The following STK32B variants were observed in gnomAD, a reference collection of about 807,000 sequenced individuals.
The protein encoded by STK32B is serine/threonine kinase 32B, also known as serine/threonine-protein kinase 32B.
Under a neutral mutation model 52.6 loss-of-function variants are expected in STK32B, and 43 were observed. That is an observed-to-expected ratio of 0.82 (90% CI 0.64 to 1.05). STK32B has a LOEUF of 1.05. Among genes scored for constraint, STK32B ranks in the 50% least tolerant of loss-of-function variants. The probability of loss-of-function intolerance (pLI) is 0.00; values close to 1 mark genes in which losing one functional copy is unlikely to be tolerated. For synonymous variants in STK32B, 238 were observed against 204.3 expected (o/e 1.17, Z -1.41); for missense variants, 621 against 534.6 (o/e 1.16, Z -1.59).
intron 2 of STK32B, among the ~76,000 whole-genome samples, chr4:5,163,569 TGTGTGTGTGTGTAA>T (rs1295664123): frequency 6.7e-6 from 1 of 149,500 alleles, no homozygotes; most frequent in African/African-American, 2.5e-5. Flanking sequence ...TGTGTGTGTG[TGTGTGTGTGTGTAA>T]GAGAGAGAGA....
intron 1 of STK32B, among the ~76,000 whole-genome samples, chr4:5,054,346 G>A (rs960031018): frequency 6.6e-6 from 1 of 152,140 alleles, no homozygotes; most frequent in Non-Finnish European, 1.5e-5. Context: ...CCCTAACTCA[G>A]AGTGGGGGGA....
At chr4:5,185,703 C>T (rs909770260) in intron 3 of STK32B, among the ~76,000 whole-genome samples, 1 of 152,160 alleles carries the variant, frequency 6.6e-6, no homozygotes, top group African/African-American at 2.4e-5. Context: ...GTTTCAATGC[C>T]CAGCCAGTTA....
At chr4:5,382,524 T>C (rs1425863900) in intron 4 of STK32B, among the ~76,000 whole-genome samples, 2 of 151,828 alleles carry the variant, frequency 1.3e-5, no homozygotes, top group African/African-American at 2.4e-5. Flanking sequence ...TGCAGGGAGA[T>C]GTGAAAAGGT....
rs142282206 is a variant in STK32B at position 5,326,430 on chromosome 4, TGG to T, written c.261-4789_261-4788del. 8.0e-3 allele frequency among the ~76,000 whole-genome samples: 1,225 copies of T among 152,244 alleles called. 24 individuals carry two copies. The highest frequency in any genetic ancestry group is 0.021 in the African/African-American group (877 of 41,552). On this transcript the variant is annotated intron_variant, in intron 3 of 11. Transcript: ENST00000282908. ...CCCATGTAAATATGAAGTTCAGGGA[TGG>T]ATCTTTCTTCTGACTAGGTGGGAGC... is the stretch of plus-strand genomic sequence containing the variant.
At chr4:5,278,592 A>C (rs1727992980) in intron 3 of STK32B, among the ~76,000 whole-genome samples, 1 of 152,240 alleles carries the variant, frequency 6.6e-6, no homozygotes, top group Admixed American at 6.5e-5. Flanking sequence ...TTCACTTGCG[A>C]ATTTGAAAAC....
At chr4:5,135,041 C>T (rs1715993345) in intron 1 of STK32B, among the ~76,000 whole-genome samples, 1 of 152,164 alleles carries the variant, frequency 6.6e-6, no homozygotes, top group Admixed American at 6.5e-5. Context: ...CAGATTTACC[C>T]AGTGTGATCA....
At chr4:5,254,385 C>T (rs188092153) in intron 3 of STK32B, among the ~76,000 whole-genome samples, 3 of 151,754 alleles carry the variant, frequency 2.0e-5, no homozygotes, top group Admixed American at 2.0e-4. Context: ...GTTTTTATTT[C>T]ATTGATTCCA....
chr4:5,288,925 G>A (rs1455628220), intron 3 of STK32B, among the ~76,000 whole-genome samples: 1 of 152,134 alleles, frequency 6.6e-6, no homozygotes, highest in Non-Finnish European at 1.5e-5. Context: ...GCAAGTTTTT[G>A]TATGGTGGCA....
intron 3 of STK32B, among the ~76,000 whole-genome samples, chr4:5,238,082 G>A (rs541762941): frequency 6.6e-6 from 1 of 152,164 alleles, no homozygotes; most frequent in Non-Finnish European, 1.5e-5. Flanking sequence ...CACGTAGGAA[G>A]CATAAAAAGT....
At chr4:5,092,307 A>G (rs7677749) in intron 1 of STK32B, among the ~76,000 whole-genome samples, 66,048 of 152,048 alleles carry the variant, frequency 0.43, 14,631 homozygotes, top group African/African-American at 0.49. Flanking sequence ...CGAGGCGGGC[A>G]GATCACCTGA....
the STK32B span, among the ~76,000 whole-genome samples, chr4:5,035,100 C>T: frequency 1.3e-5 from 2 of 152,244 alleles, no homozygotes; most frequent in Admixed American, 1.3e-4. Flanking sequence ...GGCCTTGGCT[C>T]GCTATGCTTG....
intron 3 of STK32B, among the ~76,000 whole-genome samples, chr4:5,250,629 G>A (rs549868249): frequency 6.6e-6 from 1 of 152,068 alleles, no homozygotes; most frequent in African/African-American, 2.4e-5. Flanking sequence ...AGTTCTTTAA[G>A]AAATTGCCAA....
intron 1 of STK32B, among the ~76,000 whole-genome samples, chr4:5,085,129 G>T (rs776087837): frequency 6.6e-5 from 10 of 152,136 alleles, no homozygotes; most frequent in Non-Finnish European, 1.3e-4. Flanking sequence ...TGGTTTACAG[G>T]ACAGCCTGGA....
At chr4:5,360,583 G>A (rs1351907986) in intron 4 of STK32B, among the ~76,000 whole-genome samples, 1 of 152,140 alleles carries the variant, frequency 6.6e-6, no homozygotes, top group Non-Finnish European at 1.5e-5. Context: ...GAGGTACACA[G>A]CATGTTTTAT....
intron 3 of STK32B, among the ~76,000 whole-genome samples, chr4:5,313,285 T>G (rs1730436457): frequency 6.6e-6 from 1 of 152,024 alleles, no homozygotes; most frequent in Admixed American, 6.6e-5. Context: ...GAAAAAATCC[T>G]ATTATTATAT....
intron 5 of STK32B, among the ~76,000 whole-genome samples, chr4:5,404,639 CTT>C (rs1233537189): frequency 6.6e-6 from 1 of 151,998 alleles, no homozygotes; most frequent in Non-Finnish European, 1.5e-5. Context: ...ATTTTGGTCT[CTT>C]AATCTACCAA....
chr4:5,399,027 G>C lies in STK32B; in HGVS notation c.472+783G>C, dbSNP rs1296982711. On this transcript the variant is annotated intron_variant, in intron 5 of 11. Transcript: ENST00000282908. This position sits in a 1 kb window ranked among gnomAD's most constrained non-coding sequence, Gnocchi z 5.4. Reference sequence around the variant, plus strand: ...CTGTGTTCTGGATCCTGTGTCCTGTGTTGGGATGGAATGCCCACAAAGTTT... The same window carrying C: ...CTGTGTTCTGGATCCTGTGTCCTGTCTTGGGATGGAATGCCCACAAAGTTT... Among the ~76,000 whole-genome samples, 1 of 152,214 alleles carries C rather than the reference G, an allele frequency of 6.6e-6. No individual in the cohort carries two copies. The highest frequency in any genetic ancestry group is 1.9e-4 in the East Asian group (1 of 5,190).
chr4:5,157,316 A>G (rs1210615142), intron 2 of STK32B, among the ~76,000 whole-genome samples: 1 of 151,962 alleles, frequency 6.6e-6, no homozygotes, highest in Admixed American at 6.6e-5. Context: ...AAAAAAAAAA[A>G]AAAAGCTGAA....
intron 3 of STK32B, among the ~76,000 whole-genome samples, chr4:5,329,538 C>T (rs1484003015): frequency 6.6e-6 from 1 of 152,206 alleles, no homozygotes; most frequent in East Asian, 1.9e-4. Context: ...CTCCTCCTTT[C>T]CCACACTCGC....
Sources: allele counts gnomAD v4.1 joint callset (sites outside exome capture counted in the v4.1 genomes callset), GRCh38; gene constraint gnomAD v4.1.1; non-coding constraint Gnocchi (gnomAD v3.1); transcripts MANE v1.5; gene names NCBI Gene and HGNC (gene_info 2026-07-23, HGNC 2026-07-21).